STRADA: variants seen among roughly 807,000 people sequenced by gnomAD.
STRADA encodes the protein STE20-related kinase adapter protein alpha.
STRADA carries 26 observed loss-of-function variants against 55.0 expected under a neutral mutation model. The ratio of observed to expected loss-of-function variants is 0.47; its 90% CI spans 0.35 to 0.66. STRADA has a LOEUF of 0.66. STRADA is among the 30% of genes least tolerant of loss of function. The pLI is 0.01. For synonymous variants in STRADA, 197 were observed against 210.9 expected (o/e 0.93, Z 0.57); for missense variants, 443 against 549.7 (o/e 0.81, Z 1.94).
At chr17:63,708,932 A>G (rs1004788723) in intron 8 of STRADA, among the ~76,000 whole-genome samples, 12 of 152,076 alleles carry the variant, frequency 7.9e-5, no homozygotes, top group African/African-American at 2.9e-4. Flanking sequence ...TCCGCATCCC[A>G]TTCTTCCTTT....
intron 8 of STRADA, 34 bp downstream of exon 8, chr17:63,710,457 C>G (rs561494264): frequency 6.2e-7 from 1 of 1,612,204 alleles, no homozygotes; most frequent in South Asian, 1.1e-5. Context: ...TAGCTACCCA[C>G]TGTAATCATG....
intron 1 of STRADA, among the ~76,000 whole-genome samples, chr17:63,740,183 C>CACACAT (rs765305938): frequency 7.1e-6 from 1 of 140,402 alleles, no homozygotes; most frequent in Non-Finnish European, 1.5e-5. Flanking sequence ...CACACACACA[C>CACACAT]AACAAAGCAA....
At chr17:63,728,456 T>C (rs759146654) in intron 1 of STRADA, 43 bp from the exon 2 acceptor site, 198 of 1,151,448 alleles carry the variant, frequency 1.7e-4, no homozygotes, top group Non-Finnish European at 2.4e-4. Context: ...AAAAATCTCC[T>C]TATAGAGAAA....
At chr17:63,708,995 T>C (rs1415128006) in intron 8 of STRADA, among the ~76,000 whole-genome samples, 1 of 152,204 alleles carries the variant, frequency 6.6e-6, no homozygotes, top group Non-Finnish European at 1.5e-5. Context: ...CTGTGTACCT[T>C]TCATCTTTTC....
chr17:63,740,383 G>A (rs923438642), intron 1 of STRADA, among the ~76,000 whole-genome samples: 5 of 151,586 alleles, frequency 3.3e-5, no homozygotes, highest in African/African-American at 1.2e-4. Flanking sequence ...GTGGTGGGGG[G>A]TGCCTGTAAT....
chr17:63,741,643 C>T (rs1214279508), intron 1 of STRADA, 98 bp downstream of exon 1: 2 of 152,318 alleles, frequency 1.3e-5, no homozygotes, highest in Non-Finnish European at 2.9e-5. Flanking sequence ...CCAGGATGGC[C>T]GCTCCGACGA....
intron 1 of STRADA, among the ~76,000 whole-genome samples, chr17:63,734,586 G>A (rs956581433): frequency 6.6e-6 from 1 of 152,006 alleles, no homozygotes; most frequent in African/African-American, 2.4e-5. Context: ...GCAGTGAGCC[G>A]AGATTGCGCC....
rs2143722865 is a variant in STRADA, at chr17:63,704,413, G to A, written c.1028C>T (p.Pro343Leu). Residue 343 changes from proline (P) to leucine (L), a missense_variant, in exon 11 of 13, where the codon CCC becomes CTC. Coordinates refer to ENST00000336174, the MANE Select transcript of STRADA (RefSeq NM_001003787.4). ...GTGGGGGGAGAAGGTTCGGTGGTAG[G>A]GGTGGGAGGGCGAGTCACCGTTGGA... ...RPSNGDSPSH[P>L]YHRTFSPHFH... 6.2e-7 allele frequency: 1 copy of A among 1,612,832 alleles called. No individual in the cohort carries two copies. The highest frequency in any genetic ancestry group is 1.1e-5 in the South Asian group (1 of 91,026).
At chr17:63,728,208 T>C in intron 2 of STRADA, 126 bp downstream of exon 2, 1 of 835,140 alleles carries the variant, frequency 1.2e-6, no homozygotes, top group Non-Finnish European at 1.9e-6. Context: ...CCTGCCTTAC[T>C]TCCTACATCC....
chr17:63,706,836 A>C, intron 9 of STRADA, 97 bp from the exon 10 acceptor site: 1 of 891,448 alleles, frequency 1.1e-6, no homozygotes, highest in South Asian at 1.5e-5. Context: ...CTGTCCCCAC[A>C]TCAGGACCTG....
At chr17:63,709,217 C>T (rs778715650) in intron 8 of STRADA, among the ~76,000 whole-genome samples, 11 of 152,214 alleles carry the variant, frequency 7.2e-5, no homozygotes, top group East Asian at 1.9e-4. Context: ...CTGGCAGCAC[C>T]GGGCATCTTC....
Position 63,713,368 on chromosome 17 carries a change from CCACCCTCCCTCCATGTGACA to C in STRADA, c.348+18_348+37del, listed in dbSNP as rs759507807. 5 of 1,602,120 alleles carry C rather than the reference CCACCCTCCCTCCATGTGACA, an allele frequency of 3.1e-6. No individual in the cohort carries two copies. ...TGTAATTCCTATCAGAGCCAAGAGCCCACCCTCCCTCCATGTGACACACTCATGGTTTATTACCTGCAAGA... is the reference window on the plus strand; with the variant it reads ...TGTAATTCCTATCAGAGCCAAGAGCCCACTCATGGTTTATTACCTGCAAGA... On this transcript the variant is annotated intron_variant, in intron 6 of 12. Transcript: ENST00000336174.
intron 4 of STRADA, chr17:63,717,293 T>C (rs971171134): frequency 2.0e-5 from 3 of 152,262 alleles, no homozygotes; most frequent in Middle Eastern, 6.3e-3. Context: ...TCTAGGATCA[T>C]TAAATTTTAT....
intron 4 of STRADA, among the ~76,000 whole-genome samples, chr17:63,715,840 T>C (rs2036836895): frequency 6.6e-6 from 1 of 152,236 alleles, no homozygotes; most frequent in South Asian, 2.1e-4. Flanking sequence ...TGCTGTATCA[T>C]ATATTCAGCA....
At chr17:63,722,436 C>T (rs2037377701) in intron 4 of STRADA, among the ~76,000 whole-genome samples, 1 of 152,196 alleles carries the variant, frequency 6.6e-6, no homozygotes, top group Non-Finnish European at 1.5e-5. Context: ...GCATCGTATT[C>T]TAGAAAAATA....
intron 12 of STRADA, 77 bp from the exon 13 acceptor site, chr17:63,703,828 C>T (rs1384128659): frequency 2.1e-5 from 34 of 1,608,636 alleles, no homozygotes; most frequent in Non-Finnish European, 2.9e-5. Context: ...GGAACCATGG[C>T]CTGGTGGCAG....
At position 63,740,107 on chromosome 17, in the gene STRADA, T is replaced by TATATATATATATATATATATAC. The variant is rs1309095081; in HGVS notation, c.-45+1633_-45+1634insGTATATATATATATATATATAT. On this transcript the variant is annotated intron_variant, in intron 1 of 12. Coordinates refer to ENST00000336174, the MANE Select transcript of STRADA (RefSeq NM_001003787.4). Reference sequence around the variant, plus strand: ...AACACTATATATATATATATATATATACATACATACATATATATATACACA... The same window carrying TATATATATATATATATATATAC: ...AACACTATATATATATATATATATATATATATATATATATATATATACACATACATACATATATATATACACA... Among the ~76,000 whole-genome samples the TATATATATATATATATATATAC allele has an allele frequency of 2.7e-3, 134 of 49,634 alleles. 14 individuals carry two copies. The highest frequency in any genetic ancestry group is 0.011 in the African/African-American group (115 of 10,536). The allele number at this position is 49,634 out of a possible 152,430, so 32.6% of individuals were successfully genotyped here.
chr17:63,726,405 T>C (rs1045788104), intron 3 of STRADA: 3 of 444,486 alleles, frequency 6.7e-6, no homozygotes, highest in African/African-American at 2.0e-5. Flanking sequence ...AGAAAACATA[T>C]ATGCTTTTAA....
chr17:63,736,297 A>C (rs2144303590), intron 1 of STRADA, among the ~76,000 whole-genome samples: 2 of 152,216 alleles, frequency 1.3e-5, no homozygotes, highest in Non-Finnish European at 2.9e-5. Context: ...CAGTAAAATG[A>C]GGCTAAAATT....
Sources: allele counts gnomAD v4.1 joint callset (sites outside exome capture counted in the v4.1 genomes callset), GRCh38; gene constraint gnomAD v4.1.1; transcripts MANE v1.5; gene names NCBI Gene and HGNC (gene_info 2026-07-23, HGNC 2026-07-21).